The following LARGE1 variants were observed in gnomAD, a reference collection of about 807,000 sequenced individuals.
The protein encoded by LARGE1 is xylosyl- and glucuronyltransferase LARGE1.
LARGE1 carries 43 observed loss-of-function variants against 87.6 expected under a neutral mutation model. That is an observed-to-expected ratio of 0.49 (90% confidence interval 0.38 to 0.63). LARGE1 has a LOEUF of 0.63. Among genes scored for constraint, LARGE1 ranks in the 30% least tolerant of loss-of-function variants. The pLI is 0.00. For synonymous variants in LARGE1, 434 were observed against 394.6 expected (o/e 1.10, Z -1.18); for missense variants, 802 against 1,000.2 (o/e 0.80, Z 2.67).
chr22:33,466,684 C>T (rs1459107629), intron 6 of LARGE1, among the ~76,000 whole-genome samples: 1 of 127,924 alleles, frequency 7.8e-6, no homozygotes, highest in Admixed American at 8.2e-5. Context: ...TTCACCCCCT[C>T]TCTCTCTCTA....
At chr22:33,226,896 A>AC (rs1348950021) in intron 11 of LARGE1, among the ~76,000 whole-genome samples, 1 of 151,902 alleles carries the variant, frequency 6.6e-6, no homozygotes, top group Non-Finnish European at 1.5e-5. Flanking sequence ...CGCCTGGCTA[A>AC]TTTTTTGTAT....
intron 11 of LARGE1, among the ~76,000 whole-genome samples, chr22:33,195,999 C>G (rs1924057757): frequency 6.6e-6 from 1 of 151,268 alleles, no homozygotes; most frequent in Non-Finnish European, 1.5e-5. Context: ...ACCTCGTGGT[C>G]CGCCCGTCTC....
chr22:33,634,935 G>A (rs1251850670), intron 3 of LARGE1, among the ~76,000 whole-genome samples: 7 of 151,902 alleles, frequency 4.6e-5, no homozygotes, highest in African/African-American at 1.7e-4. Flanking sequence ...TGGCCAACAT[G>A]GTGAAACCAT....
chr22:33,255,946 C>T (rs981099993), intron 11 of LARGE1, among the ~76,000 whole-genome samples: 1 of 152,136 alleles, frequency 6.6e-6, no homozygotes, highest in Non-Finnish European at 1.5e-5. Context: ...AAGTTTAGCG[C>T]CTGGGGTTTC....
At chr22:33,189,547 C>T (rs931913742) in intron 11 of LARGE1, among the ~76,000 whole-genome samples, 2 of 152,158 alleles carry the variant, frequency 1.3e-5, no homozygotes, top group African/African-American at 4.8e-5. Flanking sequence ...AAGGGATAAC[C>T]ACATGACCTC....
At chr22:33,443,127 A>T (rs1196437041) in intron 6 of LARGE1, among the ~76,000 whole-genome samples, 1 of 152,152 alleles carries the variant, frequency 6.6e-6, no homozygotes. Context: ...AAGAGATACA[A>T]TGACACCACG....
intron 2 of LARGE1, chr22:33,724,247 G>A (rs1399439972): frequency 6.6e-6 from 1 of 152,466 alleles, no homozygotes; most frequent in Non-Finnish European, 1.5e-5. Context: ...AGGTAGAGAA[G>A]TGTCAGCAAA....
chr22:33,785,120 T>TATACATAC (rs1569445857), intron 1 of LARGE1, among the ~76,000 whole-genome samples: 1 of 56,590 alleles, frequency 1.8e-5, no homozygotes, highest in Non-Finnish European at 3.5e-5. Context: ...CATATGTGTA[T>TATACATAC]ATGCATATAT....
chr22:33,306,455 C>T (rs1934942463), intron 11 of LARGE1, among the ~76,000 whole-genome samples: 1 of 152,184 alleles, frequency 6.6e-6, no homozygotes, highest in South Asian at 2.1e-4. Context: ...GAGAGGACCA[C>T]TTCTCAGGAT....
At chr22:33,300,393 T>G (rs1019914598) in intron 12 of LARGE1, among the ~76,000 whole-genome samples, 3 of 152,206 alleles carry the variant, frequency 2.0e-5, no homozygotes, top group Non-Finnish European at 2.9e-5. Flanking sequence ...TGTGTTTTTT[T>G]GAGATAGGGT....
chr22:33,477,921 T>C (rs1187304014), intron 6 of LARGE1, among the ~76,000 whole-genome samples: 2 of 152,204 alleles, frequency 1.3e-5, no homozygotes, highest in African/African-American at 4.8e-5. Flanking sequence ...GTTTCTCAAA[T>C]GGGCAGCATC....
chr22:33,865,274 A>G (rs1239653484), intron 1 of LARGE1, among the ~76,000 whole-genome samples: 1 of 152,244 alleles, frequency 6.6e-6, no homozygotes. Flanking sequence ...TGTTCCCTCC[A>G]GCAAGACTGC....
At chr22:33,500,716 T>A (rs2070386321) in intron 6 of LARGE1, among the ~76,000 whole-genome samples, 1 of 152,196 alleles carries the variant, frequency 6.6e-6, no homozygotes, top group Non-Finnish European at 1.5e-5. Context: ...TTTGCTTACA[T>A]GATTGTTGGG....
chr22:33,606,070 G>T (rs994095426), intron 4 of LARGE1, among the ~76,000 whole-genome samples: 2 of 152,184 alleles, frequency 1.3e-5, no homozygotes, highest in Non-Finnish European at 2.9e-5. Context: ...GGGCTCCAGG[G>T]TTGGAGCAGA....
intron 6 of LARGE1, among the ~76,000 whole-genome samples, chr22:33,476,058 C>A (rs572627039): frequency 2.1e-4 from 32 of 152,330 alleles, no homozygotes; most frequent in African/African-American, 7.7e-4. Context: ...ACAAAAGCTA[C>A]GTATCTTCCT....
At chr22:33,126,510 G>C in the LARGE1 span, among the ~76,000 whole-genome samples, 101,242 of 151,996 alleles carry the variant, frequency 0.67, 34,120 homozygotes, top group African/African-American at 0.76. Context: ...TTGCTGAATT[G>C]AATTGTGAAC....
intron 11 of LARGE1, among the ~76,000 whole-genome samples, chr22:33,199,880 T>C (rs2413175): frequency 0.69 from 103,281 of 150,454 alleles, 37,028 homozygotes; most frequent in African/African-American, 0.9. Flanking sequence ...GACGGAGTCT[T>C]ACTCTGTCGC....
chr22:33,283,224 T>TGTCCA lies in LARGE1; in HGVS notation c.1850_1854dup (p.Met619TrpfsTer47), dbSNP rs761384661. 1.9e-6 allele frequency: 3 copies of TGTCCA among 1,614,180 alleles called. No individual in the cohort carries two copies. Among genetic ancestry groups the TGTCCA allele is most frequent in the Non-Finnish European group, 2.5e-6 (3 of 1,180,026 alleles). On this transcript the variant is annotated frameshift_variant, in exon 13 of 15. Transcript: ENST00000397394. LOFTEE classifies it high-confidence loss of function. The stretch of plus-strand genomic sequence containing the variant: ...CACCTGAATGTGAAGAGGGTCCCCA[T>TGTCCA]GTCCAGCATTGACAGCAACTCCGCT...
At chr22:33,723,234 C>T (rs1325005072) in intron 2 of LARGE1, among the ~76,000 whole-genome samples, 3 of 152,108 alleles carry the variant, frequency 2.0e-5, no homozygotes, top group Non-Finnish European at 4.4e-5. Context: ...ATGAAGCTCT[C>T]GTTAAAAAGA....
Sources: allele counts gnomAD v4.1 joint callset (sites outside exome capture counted in the v4.1 genomes callset), GRCh38; gene constraint gnomAD v4.1.1; transcripts MANE v1.5; gene names NCBI Gene and HGNC (gene_info 2026-07-23, HGNC 2026-07-21).